BRINP3: variants seen among roughly 807,000 people sequenced by gnomAD.
The protein encoded by BRINP3 is BMP/retinoic acid-inducible neural-specific protein 3.
A neutral mutation model predicts 71.0 loss-of-function variants in BRINP3; 19 were observed. The observed-to-expected ratio is 0.27, with a 90% CI of 0.19 to 0.39. BRINP3 has a LOEUF of 0.39. Among genes scored for constraint, BRINP3 ranks in the 10% least tolerant of loss-of-function variants. BRINP3 has a pLI of 1.00. For missense variants in BRINP3, 959 were observed against 940.8 expected (o/e 1.02, Z -0.25); for synonymous variants, 380 against 337.7 (o/e 1.13, Z -1.37).
intron 2 of BRINP3, among the ~76,000 whole-genome samples, chr1:190,408,202 TA>T (rs1406191720): frequency 0.022 from 1,079 of 49,364 alleles, 4 homozygotes; most frequent in South Asian, 0.062. Flanking sequence ...TTTATTTATT[TA>T]TTTTTTTTTT....
chr1:190,123,025 T>C (rs920222314), intron 7 of BRINP3, among the ~76,000 whole-genome samples: 10 of 152,094 alleles, frequency 6.6e-5, no homozygotes, highest in Non-Finnish European at 1.2e-4. Flanking sequence ...TCTAACACAT[T>C]ATTCTTGAGT....
chr1:190,315,669 G>A (rs1665831194), intron 2 of BRINP3, among the ~76,000 whole-genome samples: 1 of 152,128 alleles, frequency 6.6e-6, no homozygotes, highest in African/African-American at 2.4e-5. Flanking sequence ...TAGATGTGAG[G>A]AACCAATCCA....
At chr1:190,205,326 G>A (rs1439744328) in intron 6 of BRINP3, among the ~76,000 whole-genome samples, 5 of 151,442 alleles carry the variant, frequency 3.3e-5, no homozygotes, top group African/African-American at 1.2e-4. Flanking sequence ...CGCCACACAT[G>A]GAAATATTGC....
rs190697450 is a variant in BRINP3 at position 190,422,375 on chromosome 1, A to G, written c.236+32280T>C. On this transcript the variant is annotated intron_variant, in intron 2 of 7. Transcript: ENST00000367462. Reference sequence around the variant, plus strand: ...TAGAACTGAGAAGATCATATTGCTCAGATTCTCTATGAACCTCAGAAAAGA... The same window carrying G: ...TAGAACTGAGAAGATCATATTGCTCGGATTCTCTATGAACCTCAGAAAAGA... 2.8e-3 allele frequency among the ~76,000 whole-genome samples: 431 copies of G among 151,994 alleles called. 2 individuals are homozygous for G. Among genetic ancestry groups the G allele is most frequent in the African/African-American group, 9.8e-3 (409 of 41,534 alleles).
At chr1:190,102,737 T>C (rs2102248550) in intron 7 of BRINP3, among the ~76,000 whole-genome samples, 1 of 152,070 alleles carries the variant, frequency 6.6e-6, no homozygotes, top group African/African-American at 2.4e-5. Flanking sequence ...AAAAAAGCAA[T>C]TGACATGATA....
At chr1:190,451,142 C>T (rs1675578205) in intron 2 of BRINP3, among the ~76,000 whole-genome samples, 1 of 151,470 alleles carries the variant, frequency 6.6e-6, no homozygotes, top group African/African-American at 2.4e-5. Context: ...CCCAATAATT[C>T]ACTTACACAT....
intron 6 of BRINP3, among the ~76,000 whole-genome samples, chr1:190,176,872 T>G (rs879623984): frequency 6.6e-6 from 1 of 152,106 alleles, no homozygotes. Context: ...ATCTCTGACT[T>G]TGTTTCATGT....
chr1:190,316,002 C>T (rs778581132), intron 2 of BRINP3, among the ~76,000 whole-genome samples: 1 of 151,918 alleles, frequency 6.6e-6, no homozygotes, highest in Non-Finnish European at 1.5e-5. Flanking sequence ...TACATCAAAA[C>T]TCGTTATGGT....
At chr1:190,413,276 G>A (rs889383746) in intron 2 of BRINP3, among the ~76,000 whole-genome samples, 3 of 151,886 alleles carry the variant, frequency 2.0e-5, no homozygotes, top group Admixed American at 2.0e-4. Flanking sequence ...ACTATCCTAG[G>A]GGACTGATAT....
At chr1:190,167,515 C>T (rs1571893307) in intron 6 of BRINP3, among the ~76,000 whole-genome samples, 1 of 152,130 alleles carries the variant, frequency 6.6e-6, no homozygotes, top group Non-Finnish European at 1.5e-5. Flanking sequence ...CCAATTCCTA[C>T]CCATTCAAAG....
intron 7 of BRINP3, among the ~76,000 whole-genome samples, chr1:190,105,819 C>A (rs1652110097): frequency 6.6e-6 from 1 of 151,994 alleles, no homozygotes; most frequent in Non-Finnish European, 1.5e-5. Flanking sequence ...AGATAAATCT[C>A]TCTTCCACTT....
intron 7 of BRINP3, among the ~76,000 whole-genome samples, chr1:190,116,799 G>T (rs1653172582): frequency 1.3e-5 from 2 of 152,074 alleles, no homozygotes; most frequent in East Asian, 1.9e-4. Flanking sequence ...AAATATTTTT[G>T]ATTCTATCAT....
chr1:190,275,503 A>T (rs1662481175), intron 3 of BRINP3, among the ~76,000 whole-genome samples: 1 of 151,616 alleles, frequency 6.6e-6, no homozygotes, highest in African/African-American at 2.4e-5. Flanking sequence ...TTCATGGACC[A>T]CACACAAGTA....
intron 6 of BRINP3, among the ~76,000 whole-genome samples, chr1:190,192,713 G>A (rs1558051294): frequency 6.6e-6 from 1 of 151,494 alleles, no homozygotes; most frequent in Admixed American, 6.6e-5. Flanking sequence ...CTAGATGCAA[G>A]AAAAAAATAT....
chr1:190,233,960 G>A (rs999799018), intron 5 of BRINP3, among the ~76,000 whole-genome samples: 6 of 152,008 alleles, frequency 3.9e-5, no homozygotes, highest in Non-Finnish European at 7.4e-5. Flanking sequence ...AGTCTTGACT[G>A]CCACATTAGG....
intron 7 of BRINP3, among the ~76,000 whole-genome samples, chr1:190,134,655 G>A (rs377040945): frequency 2.0e-5 from 3 of 152,000 alleles, no homozygotes; most frequent in Admixed American, 6.6e-5. Context: ...AAACCAAGTG[G>A]GTTAGATGAG....
intron 6 of BRINP3, among the ~76,000 whole-genome samples, chr1:190,220,539 A>T (rs977604319): frequency 3.9e-5 from 6 of 152,102 alleles, no homozygotes; most frequent in East Asian, 1.9e-4. Flanking sequence ...TTAAAGTATA[A>T]TTTTTTTTAA....
intron 4 of BRINP3, among the ~76,000 whole-genome samples, chr1:190,251,340 C>T (rs185363315): frequency 1.3e-5 from 2 of 151,898 alleles, no homozygotes; most frequent in Non-Finnish European, 2.9e-5. Context: ...TTAACTCTCC[C>T]TATTTTCCTG....
intron 2 of BRINP3, among the ~76,000 whole-genome samples, chr1:190,381,032 G>T (rs143145095): frequency 6.6e-6 from 1 of 151,674 alleles, no homozygotes; most frequent in African/African-American, 2.4e-5. Context: ...CTTCTTCAAG[G>T]TTACACTGAT....
Sources: gnomAD v4.1 joint callset for allele counts (sites outside exome capture counted in the v4.1 genomes callset) on GRCh38, gnomAD v4.1.1 for gene constraint, MANE v1.5 for transcripts, NCBI Gene and HGNC (gene_info 2026-07-23, HGNC 2026-07-21) for gene names.